The following LTBP1 variants were observed in gnomAD, a reference collection of about 807,000 sequenced individuals.
The protein encoded by LTBP1 is latent-transforming growth factor beta-binding protein 1.
Under a neutral mutation model 207.6 loss-of-function variants are expected in LTBP1, and 129 were observed. The observed-to-expected ratio is 0.62, with a 90% CI of 0.54 to 0.72. The LOEUF is 0.72. Ranked by LOEUF, LTBP1 falls within the 30% of genes least tolerant of loss-of-function variation. The probability of loss-of-function intolerance (pLI) is 0.00; values close to 1 mark genes in which losing one functional copy is unlikely to be tolerated. For missense variants in LTBP1, 2,281 were observed against 2,217.2 expected (o/e 1.03, Z -0.58); for synonymous variants, 963 against 833.7 (o/e 1.16, Z -2.67).
intron 9 of LTBP1, among the ~76,000 whole-genome samples, chr2:33,241,797 G>A (rs562236981): frequency 6.6e-6 from 1 of 152,318 alleles, no homozygotes; most frequent in African/African-American, 2.4e-5. Flanking sequence ...CTTGTACCGT[G>A]TAAGCTCCAA....
intron 8 of LTBP1, among the ~76,000 whole-genome samples, chr2:33,220,017 G>A (rs1481883810): frequency 6.6e-6 from 1 of 152,076 alleles, no homozygotes; most frequent in African/African-American, 2.4e-5. Flanking sequence ...GTGCAAAGTT[G>A]CTGTCACTTT....
chr2:33,045,308 G>T (rs1326043567), intron 3 of LTBP1, among the ~76,000 whole-genome samples: 1 of 152,104 alleles, frequency 6.6e-6, no homozygotes, highest in Non-Finnish European at 1.5e-5. Flanking sequence ...TAAGGAAGGG[G>T]TCCAGTTTCC....
intron 4 of LTBP1, among the ~76,000 whole-genome samples, chr2:33,127,579 A>G (rs1267253140): frequency 2.0e-5 from 3 of 152,178 alleles, no homozygotes; most frequent in Non-Finnish European, 4.4e-5. Flanking sequence ...TTCCAGTCCT[A>G]AAAAGAGAAT....
At chr2:33,023,402 C>T (rs1201308186) in intron 3 of LTBP1, among the ~76,000 whole-genome samples, 2 of 152,204 alleles carry the variant, frequency 1.3e-5, no homozygotes, top group Non-Finnish European at 1.5e-5. Context: ...TTGGTAGCCG[C>T]GGTGTACTTT....
intron 26 of LTBP1, among the ~76,000 whole-genome samples, chr2:33,351,896 A>G (rs1192554134): frequency 1.3e-5 from 2 of 152,168 alleles, no homozygotes; most frequent in Non-Finnish European, 2.9e-5. Flanking sequence ...TTAGCTGTCA[A>G]ATTATTTATG....
chr2:33,216,019 T>C (rs1292079436), intron 7 of LTBP1, among the ~76,000 whole-genome samples: 1 of 152,138 alleles, frequency 6.6e-6, no homozygotes, highest in East Asian at 1.9e-4. Flanking sequence ...GGCCCCTCCA[T>C]TGGTTTTCAC....
intron 26 of LTBP1, among the ~76,000 whole-genome samples, chr2:33,359,523 T>A (rs1209922440): frequency 6.6e-6 from 1 of 152,218 alleles, no homozygotes; most frequent in Non-Finnish European, 1.5e-5. Flanking sequence ...ACTCTTATCC[T>A]CATCAGTAAA....
Position 33,174,646 on chromosome 2 carries a change from GA to G in LTBP1, c.1202-12204del, listed in dbSNP as rs1384058807. Among the ~76,000 whole-genome samples, 5 of 151,976 alleles carry G rather than the reference GA, an allele frequency of 3.3e-5. No homozygotes were observed. The East Asian group carries it at 9.6e-4, about 29-fold the overall frequency. ...ACCAATGACTTTCTTCACAGAATTG[GA>G]AAAAACTACTTTAAAGTTCATATGG... On this transcript the variant is annotated intron_variant, in intron 5 of 33. Coordinates refer to ENST00000404816, the MANE Select transcript of LTBP1 (RefSeq NM_206943.4).
chr2:33,217,349 A>G (rs929025959), intron 7 of LTBP1, among the ~76,000 whole-genome samples: 8 of 152,234 alleles, frequency 5.3e-5, no homozygotes, highest in African/African-American at 1.7e-4. Context: ...AGGTGCTCCC[A>G]TTTGGAAATG....
In LTBP1 at chr2:33,262,747, A is replaced by C. The variant is rs1423334201; in HGVS notation, c.2444A>C (p.Lys815Thr). 1 of 1,604,622 alleles carries C rather than the reference A, an allele frequency of 6.2e-7. No homozygotes were observed. Among genetic ancestry groups the C allele is most frequent in the South Asian group, 1.1e-5 (1 of 89,674 alleles). ...EKEIPSLDQE[K>T]TKLEPGQPQL... is the part of the protein sequence containing the mutation. The stretch of plus-strand genomic sequence containing the variant: ...GAAATACCTTCATTGGATCAAGAGA[A>C]AACCAAACTTGAGCCTGGTCAACCC... The change falls in exon 14 of 34, where the codon AAA (lysine) becomes ACA (threonine). Residue 815 changes from lysine (K) to threonine (T), a missense_variant. Lys to Thr is a moderately conservative substitution (Grantham distance 78). Around this residue, in one of 3 missense-constraint regions of LTBP1, gnomAD observed 1,671 missense variants for 1,634.8 expected, o/e 1.02. Coordinates refer to ENST00000404816, the MANE Select transcript of LTBP1 (RefSeq NM_206943.4).
chr2:33,148,580 C>G (rs2083245552), intron 5 of LTBP1, among the ~76,000 whole-genome samples: 1 of 152,204 alleles, frequency 6.6e-6, no homozygotes, highest in African/African-American at 2.4e-5. Flanking sequence ...ACTCTGGCCT[C>G]TCCTCTTTCC....
intron 12 of LTBP1, among the ~76,000 whole-genome samples, chr2:33,257,714 A>G (rs1040422461): frequency 6.6e-6 from 1 of 152,256 alleles, no homozygotes; most frequent in African/African-American, 2.4e-5. Context: ...CCTAGTAGAT[A>G]ACAATATTCC....
chr2:33,331,017 T>G (rs1008893710), intron 24 of LTBP1, among the ~76,000 whole-genome samples: 1 of 151,872 alleles, frequency 6.6e-6, no homozygotes, highest in Non-Finnish European at 1.5e-5. Context: ...CCAAGGAATT[T>G]ATCCATTTGG....
Position 33,213,057 on chromosome 2 carries a change from C to T in LTBP1, c.1702-4495C>T, listed in dbSNP as rs556159320. Among the ~76,000 whole-genome samples the T allele has an allele frequency of 5.9e-5, 9 of 152,242 alleles. No homozygotes were observed. The East Asian group carries it at 1.7e-3, about 29-fold the overall frequency. On this transcript the variant is annotated intron_variant, in intron 7 of 33. Coordinates refer to ENST00000404816, the MANE Select transcript of LTBP1 (RefSeq NM_206943.4). ...TCCGCCTTTCCTCAGTTGATCCTTA[C>T]AGGACCTGGTTGCCAGAACTTTCAT...
chr2:33,317,511 T>C (rs2094290448), intron 24 of LTBP1, among the ~76,000 whole-genome samples: 1 of 152,222 alleles, frequency 6.6e-6, no homozygotes, highest in Admixed American at 6.5e-5. Flanking sequence ...ATGGCAGTAG[T>C]GCTATGTCCT....
chr2:33,161,296 G>C (rs1229442676), intron 5 of LTBP1, among the ~76,000 whole-genome samples: 3 of 121,370 alleles, frequency 2.5e-5, no homozygotes, highest in South Asian at 2.5e-4. Flanking sequence ...GTCTTGCCCT[G>C]TCTCCCAGGC....
intron 3 of LTBP1, among the ~76,000 whole-genome samples, chr2:33,047,762 G>C (rs1181854516): frequency 6.6e-6 from 1 of 152,074 alleles, no homozygotes; most frequent in Non-Finnish European, 1.5e-5. Context: ...GTCTCTTTTA[G>C]GTCTCTAAGA....
At chr2:33,133,491 G>T (rs971274444) in intron 4 of LTBP1, among the ~76,000 whole-genome samples, 3 of 152,172 alleles carry the variant, frequency 2.0e-5, no homozygotes, top group African/African-American at 7.2e-5. Flanking sequence ...CCTGGAAAGA[G>T]GAAGGACCTG....
At chr2:32,974,760 C>T (rs545933984) in intron 2 of LTBP1, among the ~76,000 whole-genome samples, 71 of 152,238 alleles carry the variant, frequency 4.7e-4, no homozygotes, top group African/African-American at 1.4e-3. Context: ...TTTTAGTCTA[C>T]GGATGTCATT....
Sources: allele counts gnomAD v4.1 joint callset (sites outside exome capture counted in the v4.1 genomes callset), GRCh38; gene constraint gnomAD v4.1.1; regional missense constraint gnomAD v4.1.1; transcripts MANE v1.5; gene names NCBI Gene and HGNC (gene_info 2026-07-23, HGNC 2026-07-21).